COL10A1: variants seen among roughly 807,000 people sequenced by gnomAD.
The protein encoded by COL10A1 is collagen alpha-1(X) chain.
In COL10A1, 10 loss-of-function variants were observed where a neutral mutation model predicts 18.2. The ratio of observed to expected loss-of-function variants is 0.55; its 90% CI spans 0.34 to 0.93. The LOEUF (loss-of-function observed/expected upper bound fraction) is 0.93. Among genes scored for constraint, COL10A1 ranks in the 40% least tolerant of loss-of-function variants. The pLI is 0.02. For synonymous variants in COL10A1, 330 were observed against 316.6 expected (o/e 1.04, Z -0.45); for missense variants, 897 against 853.5 (o/e 1.05, Z -0.64).
Position 116,121,826 on chromosome 6 carries a change from G to A in COL10A1, c.290C>T (p.Pro97Leu), listed in dbSNP as rs1040463015. ...TACAGCTGATGGTCCCGGTGGTCCTGGCAACCCTGGCTCTCCTTGGAGTCC... is the reference window on the plus strand; with the variant it reads ...TACAGCTGATGGTCCCGGTGGTCCTAGCAACCCTGGCTCTCCTTGGAGTCC... ...SPGLQGEPGL[P>L]GPPGPSAVGK... Residue 97 changes from proline (P) to leucine (L), a missense_variant, in exon 3 of 3, where the codon CCA becomes CTA. Coordinates refer to ENST00000651968, the MANE Select transcript of COL10A1 (RefSeq NM_000493.4). The A allele has an allele frequency of 6.2e-7, 1 of 1,613,788 alleles. No individual in the cohort carries two copies. The highest frequency in any genetic ancestry group is 8.5e-7 in the Non-Finnish European group (1 of 1,179,938).
intron 1 of COL10A1, among the ~76,000 whole-genome samples, chr6:116,135,834 GATATATATATATATATATAT>G (rs199827970): frequency 1.4e-3 from 139 of 102,360 alleles, no homozygotes; most frequent in Non-Finnish European, 2.4e-3. Flanking sequence ...TATATTTTCA[GATATATATATATATATATAT>G]ATATATATAT....
At chr6:116,137,023 C>CCA (rs1450930577) in intron 1 of COL10A1, 2 of 179,886 alleles carry the variant, frequency 1.1e-5, no homozygotes, top group Admixed American at 5.4e-5. Flanking sequence ...CTGGGCCTTT[C>CCA]CACACCACTG....
chr6:116,132,588 T>C (rs992757290), intron 1 of COL10A1, among the ~76,000 whole-genome samples: 1 of 152,162 alleles, frequency 6.6e-6, no homozygotes, highest in African/African-American at 2.4e-5. Context: ...CATCAATCAT[T>C]TTATTTTTCA....
At chr6:116,145,965 C>T (rs554814717) in intron 1 of COL10A1, among the ~76,000 whole-genome samples, 1 of 152,300 alleles carries the variant, frequency 6.6e-6, no homozygotes, top group East Asian at 1.9e-4. Flanking sequence ...TTGTACAGAG[C>T]ACTGTGCCAG....
the COL10A1 span, among the ~76,000 whole-genome samples, chr6:116,179,430 A>G: frequency 6.6e-6 from 1 of 152,140 alleles, no homozygotes; most frequent in Non-Finnish European, 1.5e-5. Flanking sequence ...AAGGAATTCA[A>G]ACAAATCAGC....
chr6:116,150,609 A>T (rs1372741847), intron 1 of COL10A1, among the ~76,000 whole-genome samples: 4 of 152,146 alleles, frequency 2.6e-5, no homozygotes, highest in Non-Finnish European at 1.5e-5. Flanking sequence ...TTAAATTAGA[A>T]TGGGGCAGTG....
chr6:116,123,534 T>C (rs1779200872), intron 2 of COL10A1, among the ~76,000 whole-genome samples: 1 of 152,260 alleles, frequency 6.6e-6, no homozygotes, highest in African/African-American at 2.4e-5. Flanking sequence ...TGTGGAATCC[T>C]CTGCAGCATA....
chr6:116,130,943 A>G (rs1779443220), upstream of COL10A1, among the ~76,000 whole-genome samples: 1 of 152,188 alleles, frequency 6.6e-6, no homozygotes, highest in Non-Finnish European at 1.5e-5. Context: ...GAGCTGCATT[A>G]CTGTGCTGTA....
chr6:116,120,434 G>A lies in COL10A1; in HGVS notation c.1682C>T (p.Ala561Val), dbSNP rs201416912. ...VSAFTVILSKAYPAIGTPIPF... is the reference protein window; with the variant it reads ...VSAFTVILSKVYPAIGTPIPF... ...TATGGGAGTTCCTATTGCTGGGTAA[G>A]CTTTGGAGAGAATAACAGTAAAAGC... Residue 561 changes from alanine to valine, a missense_variant, in exon 3 of 3, where the codon GCT (alanine) becomes GTT (valine). Transcript: ENST00000651968. 20 of 1,614,266 alleles carry A rather than the reference G, an allele frequency of 1.2e-5. No homozygotes were observed. In the East Asian group the frequency reaches 3.1e-4, roughly 25 times the overall value.
At chr6:116,199,603 G>C in the COL10A1 span, among the ~76,000 whole-genome samples, 1 of 152,066 alleles carries the variant, frequency 6.6e-6, no homozygotes, top group Non-Finnish European at 1.5e-5. Context: ...TCTGACTTTA[G>C]GCCTGGGGCA....
the COL10A1 span, among the ~76,000 whole-genome samples, chr6:116,178,154 T>G: frequency 6.6e-6 from 1 of 151,640 alleles, no homozygotes; most frequent in African/African-American, 2.4e-5. Flanking sequence ...GGACTGGGTC[T>G]AAATTTATGT....
At chr6:116,128,664 T>C (rs774970273), upstream of COL10A1, among the ~76,000 whole-genome samples, 18 of 152,162 alleles carry the variant, frequency 1.2e-4, no homozygotes, top group South Asian at 4.1e-4. Flanking sequence ...ATATATTCTA[T>C]ACCCTTAAAG....
chr6:116,193,754 T>G, the COL10A1 span, among the ~76,000 whole-genome samples: 1 of 117,128 alleles, frequency 8.5e-6, no homozygotes, highest in Admixed American at 8.6e-5. Flanking sequence ...CTTAAACATA[T>G]AATTATACTG....
the COL10A1 span, among the ~76,000 whole-genome samples, chr6:116,208,582 T>C: frequency 6.6e-6 from 1 of 152,074 alleles, no homozygotes; most frequent in African/African-American, 2.4e-5. Flanking sequence ...ACAAGCTCTT[T>C]AGTTCTTTCT....
chr6:116,204,036 G>A, the COL10A1 span, among the ~76,000 whole-genome samples: 61 of 151,794 alleles, frequency 4.0e-4, no homozygotes, highest in African/African-American at 1.4e-3. Flanking sequence ...AAAAACCCTC[G>A]AAGGCTGTGG....
At chr6:116,159,992 C>T (rs2114423554), upstream of COL10A1, among the ~76,000 whole-genome samples, 1 of 152,238 alleles carries the variant, frequency 6.6e-6, no homozygotes, top group East Asian at 1.9e-4. Flanking sequence ...ATACATACCA[C>T]ATTTTTTTTA....
At chr6:116,197,098 TCCACCCCCAC>T in the COL10A1 span, among the ~76,000 whole-genome samples, 1 of 151,864 alleles carries the variant, frequency 6.6e-6, no homozygotes, top group African/African-American at 2.4e-5. Flanking sequence ...GGATCTCCTG[TCCACCCCCAC>T]CTCCTTTCTC....
upstream of COL10A1, among the ~76,000 whole-genome samples, chr6:116,127,659 A>T (rs954070830): frequency 1.3e-5 from 2 of 152,138 alleles, no homozygotes; most frequent in African/African-American, 4.8e-5. Flanking sequence ...AACTTTATGG[A>T]TGCTTTTGAA....
the COL10A1 span, among the ~76,000 whole-genome samples, chr6:116,194,781 G>A: frequency 6.6e-6 from 1 of 152,002 alleles, no homozygotes; most frequent in Non-Finnish European, 1.5e-5. Context: ...TGGCTTTTGG[G>A]TACAATGCTG....
Sources: allele counts gnomAD v4.1 joint callset (sites outside exome capture counted in the v4.1 genomes callset), GRCh38; gene constraint gnomAD v4.1.1; transcripts MANE v1.5; gene names NCBI Gene and HGNC (gene_info 2026-07-23, HGNC 2026-07-21).